The following ICA1L variants were observed in gnomAD, a reference collection of about 807,000 sequenced individuals.
The protein encoded by ICA1L is islet cell autoantigen 1 like.
Under a neutral mutation model 61.3 loss-of-function variants are expected in ICA1L, and 50 were observed. That is an observed-to-expected ratio of 0.82 (90% CI 0.65 to 1.03). The LOEUF is 1.03. Ranked by LOEUF, ICA1L falls within the 50% of genes least tolerant of loss-of-function variation. The pLI is 0.00. For synonymous variants in ICA1L, 161 were observed against 191.3 expected (o/e 0.84, Z 1.31); for missense variants, 508 against 556.7 (o/e 0.91, Z 0.88).
intron 10 of ICA1L, among the ~76,000 whole-genome samples, chr2:202,790,953 T>C (rs1393724095): frequency 6.6e-6 from 1 of 152,218 alleles, no homozygotes; most frequent in African/African-American, 2.4e-5. Flanking sequence ...CCTAATCCCT[T>C]TCCAAAGTCA....
At chr2:202,802,183 C>T (rs924007569) in intron 9 of ICA1L, among the ~76,000 whole-genome samples, 1 of 151,964 alleles carries the variant, frequency 6.6e-6, no homozygotes, top group Non-Finnish European at 1.5e-5. Flanking sequence ...GGAAAGAATC[C>T]TCGATGTATA....
At chr2:202,845,869 G>T (rs1302452092) in intron 1 of ICA1L, among the ~76,000 whole-genome samples, 1 of 152,150 alleles carries the variant, frequency 6.6e-6, no homozygotes, top group African/African-American at 2.4e-5. Flanking sequence ...AATCTGTGAA[G>T]ACTTTTGACT....
rs916965121 is a variant in ICA1L at position 202,806,359 on chromosome 2, T to C, written c.910+5387A>G. On this transcript the variant is annotated intron_variant, in intron 9 of 12. Coordinates refer to ENST00000358299, the MANE Select transcript of ICA1L (RefSeq NM_001288622.3). Reference sequence around the variant, plus strand: ...AGACATACCCAGGGCCAGAAGGGAATGCGCTGCCCTTAAAGGGAAGGACCC... The same window carrying C: ...AGACATACCCAGGGCCAGAAGGGAACGCGCTGCCCTTAAAGGGAAGGACCC... Among the ~76,000 whole-genome samples, 5 of 152,262 alleles carry C rather than the reference T, an allele frequency of 3.3e-5. No individual in the cohort carries two copies. The East Asian group carries it at 9.6e-4, about 29-fold the overall frequency.
At chr2:202,867,122 A>T (rs1383898886) in intron 1 of ICA1L, among the ~76,000 whole-genome samples, 2 of 152,228 alleles carry the variant, frequency 1.3e-5, no homozygotes. Flanking sequence ...AGTTTGGAAG[A>T]AACTTTTCAT....
At chr2:202,840,073 ATT>A (rs532184078) in intron 1 of ICA1L, among the ~76,000 whole-genome samples, 1 of 95,182 alleles carries the variant, frequency 1.1e-5, no homozygotes, top group Admixed American at 1.2e-4. Context: ...TTAATTTTTA[ATT>A]TTTTTTTTTT....
intron 9 of ICA1L, among the ~76,000 whole-genome samples, chr2:202,806,956 G>A (rs1352628809): frequency 3.3e-5 from 5 of 152,132 alleles, no homozygotes; most frequent in Admixed American, 1.3e-4. Flanking sequence ...ACAAATTTCA[G>A]TATGAGGGAA....
intron 1 of ICA1L, among the ~76,000 whole-genome samples, chr2:202,863,202 G>T (rs1201986113): frequency 6.6e-6 from 1 of 152,036 alleles, no homozygotes; most frequent in East Asian, 1.9e-4. Flanking sequence ...TGAGGCAGGA[G>T]AATCAGTTGA....
intron 1 of ICA1L, among the ~76,000 whole-genome samples, chr2:202,832,848 T>C (rs1171151517): frequency 6.6e-6 from 1 of 152,070 alleles, no homozygotes; most frequent in Non-Finnish European, 1.5e-5. Flanking sequence ...TCAAAAGTTC[T>C]TCTTACCAAA....
Position 202,777,044 on chromosome 2 carries a change from CTTTTTTTTTTTTTTTT to C in ICA1L, c.*2473_*2488del, listed in dbSNP as rs562230381. 18 of 68,588 alleles carry C rather than the reference CTTTTTTTTTTTTTTTT, an allele frequency of 2.6e-4. 1 individual carries two copies. The highest frequency in any genetic ancestry group is 4.3e-4 in the Admixed American group (2 of 4,676). 4.2% of individuals were successfully genotyped at this position (68,588 alleles called of 1,614,324 possible). On this transcript the variant is annotated 3_prime_UTR_variant, in exon 13 of 13. Coordinates refer to ENST00000358299, the MANE Select transcript of ICA1L (RefSeq NM_001288622.3). ...ACAAACTCTCAAGACATAAAGTTAGCTTTTTTTTTTTTTTTTTTTTTTTTTTTTGAGAGAGTCGCTC... is the reference window on the plus strand; with the variant it reads ...ACAAACTCTCAAGACATAAAGTTAGCTTTTTTTTTTTTGAGAGAGTCGCTC...
chr2:202,797,132 TTG>T (rs58006631), intron 9 of ICA1L, among the ~76,000 whole-genome samples, 168 bp from the exon 10 acceptor site: 287 of 147,818 alleles, frequency 1.9e-3, no homozygotes, highest in African/African-American at 4.6e-3. Flanking sequence ...AAAATCACAT[TTG>T]TGTGTGTGTG....
At chr2:202,852,269 TG>T (rs558405887) in intron 1 of ICA1L, among the ~76,000 whole-genome samples, 74 of 152,268 alleles carry the variant, frequency 4.9e-4, no homozygotes, top group Non-Finnish European at 9.0e-4. Flanking sequence ...TACCCTGTAA[TG>T]GGATGGCTGG....
intron 4 of ICA1L, among the ~76,000 whole-genome samples, chr2:202,820,613 ATG>A (rs1234052624): frequency 6.6e-6 from 1 of 152,196 alleles, no homozygotes; most frequent in Non-Finnish European, 1.5e-5. Context: ...ACTAATGAGT[ATG>A]GAGTTCTTAG....
rs183525262 is a variant in ICA1L, at chr2:202,799,944, C to T, written c.911-2980G>A. 1.7e-4 allele frequency among the ~76,000 whole-genome samples: 26 copies of T among 149,400 alleles called. No homozygotes were observed. In the East Asian group the frequency reaches 4.1e-3, roughly 24 times the overall value. On this transcript the variant is annotated intron_variant, in intron 9 of 12. Transcript: ENST00000358299. ...CCAGGCTGGAGTGCAGTGGCACGATCTCGGCTCACTGCATTCTCCGCCTCC... is the reference window on the plus strand; with the variant it reads ...CCAGGCTGGAGTGCAGTGGCACGATTTCGGCTCACTGCATTCTCCGCCTCC...
At chr2:202,815,235 T>C (rs1299681661) in intron 7 of ICA1L, among the ~76,000 whole-genome samples, 2 of 152,226 alleles carry the variant, frequency 1.3e-5, no homozygotes, top group Admixed American at 1.3e-4. Flanking sequence ...TTCAAGGGTA[T>C]CTTTGGTGCT....
chr2:202,862,609 G>A (rs1271489543), intron 1 of ICA1L, among the ~76,000 whole-genome samples: 2 of 152,114 alleles, frequency 1.3e-5, no homozygotes, highest in Non-Finnish European at 2.9e-5. Flanking sequence ...GGGCGAGGCG[G>A]GTGGATGGCC....
intron 1 of ICA1L, among the ~76,000 whole-genome samples, chr2:202,837,680 T>TA (rs1420652276): frequency 6.6e-6 from 1 of 152,108 alleles, no homozygotes; most frequent in East Asian, 1.9e-4. Context: ...ACTTTGGGCT[T>TA]AGTTTGTTCA....
chr2:202,806,659 A>AG (rs918316196), intron 9 of ICA1L, among the ~76,000 whole-genome samples: 1 of 151,794 alleles, frequency 6.6e-6, no homozygotes, highest in African/African-American at 2.4e-5. Flanking sequence ...AAAAAAAAAA[A>AG]GAAGAAAAGG....
chr2:202,794,365 A>G (rs1382561486), intron 10 of ICA1L, among the ~76,000 whole-genome samples: 1 of 150,932 alleles, frequency 6.6e-6, no homozygotes. Flanking sequence ...AAAAAAAAAA[A>G]TCAACAACCA....
Position 202,821,673 on chromosome 2 carries a change from A to G in ICA1L, c.236-192T>C, listed in dbSNP as rs567426433. On this transcript the variant is annotated intron_variant, in intron 3 of 12. Transcript: ENST00000358299. ...ACTCTACTTTCCATAGGTCTAGGGA[A>G]TCTGGCTTCTTATCAGCACTCCAGA... 10 of 371,618 alleles carry G rather than the reference A, an allele frequency of 2.7e-5. No homozygotes were observed. In the South Asian group the frequency reaches 4.1e-4, roughly 15 times the overall value. The allele number at this position is 371,618 out of a possible 1,614,324, so 23.0% of individuals were successfully genotyped here.
Sources: allele counts gnomAD v4.1 joint callset (sites outside exome capture counted in the v4.1 genomes callset), GRCh38; gene constraint gnomAD v4.1.1; transcripts MANE v1.5; gene names NCBI Gene and HGNC (gene_info 2026-07-23, HGNC 2026-07-21).